Variants in DPYSL3 observed in about 807,000 individuals in gnomAD.
DPYSL3 encodes the protein dihydropyrimidinase like 3, also known as dihydropyrimidinase-related protein 3.
A neutral mutation model predicts 66.1 loss-of-function variants in DPYSL3; 16 were observed. That is an observed-to-expected ratio of 0.24 (90% CI 0.16 to 0.37). The LOEUF (loss-of-function observed/expected upper bound fraction) is 0.37, where lower values mean the gene tolerates loss of function less well. Ranked by LOEUF, DPYSL3 falls within the 10% of genes least tolerant of loss-of-function variation. DPYSL3 has a pLI of 1.00. For synonymous variants in DPYSL3, 338 were observed against 345.1 expected, an observed-to-expected ratio of 0.98 and a Z score of 0.23; for missense variants, 738 against 916.2, an observed-to-expected ratio of 0.81 and a Z score of 2.51.
intron 1 of DPYSL3, among the ~76,000 whole-genome samples, chr5:147,426,070 A>G (rs557790919): frequency 6.6e-5 from 10 of 152,142 alleles, no homozygotes; most frequent in Non-Finnish European, 1.2e-4. Flanking sequence ...TTCCCAGGTC[A>G]TTGATTTTAT....
intron 2 of DPYSL3, 141 bp downstream of exon 2, chr5:147,424,734 A>C: frequency 1.6e-6 from 1 of 608,700 alleles, no homozygotes; most frequent in Non-Finnish European, 2.8e-6. Context: ...TTTCTGCCCA[A>C]ATTTGCCCTC....
chr5:147,399,304 T>C (rs17550470), intron 10 of DPYSL3, 52 bp from the exon 11 acceptor site: 240,625 of 1,558,132 alleles, frequency 0.15, 19,555 homozygotes, highest in Admixed American at 0.19. Context: ...TATATATCAA[T>C]TCAGGGCTTC....
intron 4 of DPYSL3, 107 bp from the exon 5 acceptor site, chr5:147,413,764 C>T: frequency 2.3e-6 from 2 of 874,458 alleles, no homozygotes; most frequent in Admixed American, 4.1e-5. Context: ...GCTGCATTAC[C>T]CGGGCTCCTG....
intron 1 of DPYSL3, among the ~76,000 whole-genome samples, chr5:147,469,829 T>C (rs962743390): frequency 6.6e-6 from 1 of 152,330 alleles, no homozygotes; most frequent in South Asian, 2.1e-4. Context: ...TCTAACTGCA[T>C]ACAGGATGTT....
At chr5:147,465,456 C>T (rs570037360) in intron 1 of DPYSL3, among the ~76,000 whole-genome samples, 12 of 152,188 alleles carry the variant, frequency 7.9e-5, no homozygotes, top group East Asian at 3.9e-4. Flanking sequence ...CCTGCCGCCA[C>T]GCCTGGCTAA....
intron 1 of DPYSL3, among the ~76,000 whole-genome samples, chr5:147,438,824 A>G (rs543516375): frequency 7.2e-5 from 11 of 152,224 alleles, no homozygotes; most frequent in Non-Finnish European, 1.2e-4. Flanking sequence ...CAAACAAGTT[A>G]TCATCTTTGT....
At chr5:147,493,561 G>A (rs1039545831) in intron 1 of DPYSL3, among the ~76,000 whole-genome samples, 2 of 151,578 alleles carry the variant, frequency 1.3e-5, no homozygotes, top group Non-Finnish European at 2.9e-5. Context: ...GTGACAGAGC[G>A]AGACTCTGTC....
At chr5:147,430,600 G>A (rs1336270311) in intron 1 of DPYSL3, among the ~76,000 whole-genome samples, 2 of 151,856 alleles carry the variant, frequency 1.3e-5, no homozygotes, top group African/African-American at 4.8e-5. Context: ...GGCGGGGAGA[G>A]AGAACTGGAA....
chr5:147,430,290 G>A (rs1406676213), intron 1 of DPYSL3, among the ~76,000 whole-genome samples: 1 of 152,046 alleles, frequency 6.6e-6, no homozygotes, highest in African/African-American at 2.4e-5. Context: ...GAGGTCAGGA[G>A]TTCGAGAGCA....
chr5:147,453,852 T>C (rs1016551448), intron 1 of DPYSL3: 17 of 884,130 alleles, frequency 1.9e-5, no homozygotes, highest in African/African-American at 1.1e-4. Flanking sequence ...GTTTTGTTTT[T>C]TTTTTTCTTT....
chr5:147,414,351 G>A lies in DPYSL3; in HGVS notation c.821-694C>T, dbSNP rs567359211. 5.3e-5 allele frequency among the ~76,000 whole-genome samples: 8 copies of A among 152,278 alleles called. No homozygotes were observed. The South Asian group carries it at 6.2e-4, about 12-fold the overall frequency. The stretch of plus-strand genomic sequence containing the variant: ...ATATCTTAAGTTGTAAGGTTTATAT[G>A]TAAAGATCTATTTAGATCTCTCCCC... On this transcript the variant is annotated intron_variant, in intron 4 of 13. Coordinates refer to ENST00000343218, the MANE Select transcript of DPYSL3 (RefSeq NM_001197294.2).
intron 1 of DPYSL3, among the ~76,000 whole-genome samples, chr5:147,504,728 C>A (rs1753661061): frequency 6.6e-6 from 1 of 152,208 alleles, no homozygotes; most frequent in South Asian, 2.1e-4. Flanking sequence ...GCACCCAGAG[C>A]CCTTGCCAAC....
At chr5:147,476,939 C>A (rs1008399616) in intron 1 of DPYSL3, among the ~76,000 whole-genome samples, 1 of 152,116 alleles carries the variant, frequency 6.6e-6, no homozygotes, top group Non-Finnish European at 1.5e-5. Context: ...TCATCAGATT[C>A]TTTCAGAAAA....
intron 1 of DPYSL3, among the ~76,000 whole-genome samples, chr5:147,508,032 G>A (rs180787994): frequency 2.8e-4 from 42 of 152,268 alleles, no homozygotes; most frequent in African/African-American, 1.0e-3. Flanking sequence ...TTTCTATAGG[G>A]TTCTTCTTCA....
intron 1 of DPYSL3, among the ~76,000 whole-genome samples, chr5:147,499,726 G>A (rs1041302306): frequency 1.3e-5 from 2 of 152,086 alleles, no homozygotes; most frequent in Non-Finnish European, 2.9e-5. Flanking sequence ...CATATGGAAA[G>A]GCAAAAGACC....
intron 1 of DPYSL3, among the ~76,000 whole-genome samples, chr5:147,444,713 T>A (rs1353045368): frequency 6.6e-6 from 1 of 151,920 alleles, no homozygotes; most frequent in Non-Finnish European, 1.5e-5. Context: ...GCCCCACCCC[T>A]CAAACCAAAG....
chr5:147,429,370 A>T (rs1214581969), intron 1 of DPYSL3, among the ~76,000 whole-genome samples: 1 of 152,128 alleles, frequency 6.6e-6, no homozygotes, highest in East Asian at 1.9e-4. Flanking sequence ...CCACTTAACT[A>T]CGTGTGTGAT....
intron 1 of DPYSL3, among the ~76,000 whole-genome samples, chr5:147,503,395 G>A (rs1424645207): frequency 2.6e-5 from 4 of 152,100 alleles, no homozygotes; most frequent in Non-Finnish European, 1.5e-5. Flanking sequence ...TCAGGCTCAA[G>A]CAAACCTCTT....
intron 1 of DPYSL3, among the ~76,000 whole-genome samples, chr5:147,505,380 GC>G (rs1451017953): frequency 6.6e-6 from 1 of 152,018 alleles, no homozygotes; most frequent in African/African-American, 2.4e-5. Flanking sequence ...GATTACAGGT[GC>G]CCACCACCAC....
Sources: allele counts gnomAD v4.1 joint callset (sites outside exome capture counted in the v4.1 genomes callset), GRCh38; gene constraint gnomAD v4.1.1; transcripts MANE v1.5; gene names NCBI Gene and HGNC (gene_info 2026-07-23, HGNC 2026-07-21).